POLR1A: variants seen among roughly 807,000 people sequenced by gnomAD.
POLR1A encodes RNA polymerase I subunit A.
POLR1A carries 84 observed loss-of-function variants against 205.3 expected under a neutral mutation model. The observed-to-expected ratio is 0.41, with a 90% CI of 0.34 to 0.49. The LOEUF (loss-of-function observed/expected upper bound fraction) is 0.49, where lower values mean the gene tolerates loss of function less well. Among genes scored for constraint, POLR1A ranks in the 20% least tolerant of loss-of-function variants. The pLI is 0.22. For synonymous variants in POLR1A, 799 were observed against 863.7 expected (o/e 0.93, Z 1.31); for missense variants, 1,645 against 2,204.5 (o/e 0.75, Z 5.08).
chr2:86,037,106 G>C (rs1672512744), intron 27 of POLR1A: 3 of 152,362 alleles, frequency 2.0e-5, no homozygotes, highest in Admixed American at 6.5e-5. Flanking sequence ...TGCCAGGCCA[G>C]CACAAACGCC....
At chr2:86,075,909 C>T (rs1673274459) in intron 11 of POLR1A, among the ~76,000 whole-genome samples, 1 of 152,194 alleles carries the variant, frequency 6.6e-6, no homozygotes, top group Admixed American at 6.5e-5. Flanking sequence ...TGGCAAATGC[C>T]TGTCCTCAAA....
rs560905919 is a variant in POLR1A, at chr2:86,070,710, G to A, written c.1612-438C>T. On this transcript the variant is annotated intron_variant, in intron 12 of 33. Transcript: ENST00000263857. This position sits in a 1 kb window ranked among gnomAD's most constrained non-coding sequence, Gnocchi z 4.4. ...GACTTTCGAATCCCCCCCCCGCCGT[G>A]ATCACATGTGAGTACATTATTCTAA... is the stretch of plus-strand genomic sequence containing the variant. Among the ~76,000 whole-genome samples the A allele has an allele frequency of 1.3e-3, 173 of 137,588 alleles. 1 individual carries two copies. The highest frequency in any genetic ancestry group is 4.5e-3 in the African/African-American group (163 of 36,556). 90.3% of individuals were successfully genotyped at this position (137,588 alleles called of 152,430 possible).
At chr2:86,039,086 G>T (rs748492925) in intron 26 of POLR1A, among the ~76,000 whole-genome samples, 1 of 152,168 alleles carries the variant, frequency 6.6e-6, no homozygotes, top group African/African-American at 2.4e-5. Context: ...TCAGCAGAGC[G>T]GGTAGGCAAA....
intron 2 of POLR1A, among the ~76,000 whole-genome samples, 174 bp from the exon 3 acceptor site, chr2:86,098,934 C>T (rs924688960): frequency 6.6e-6 from 1 of 152,056 alleles, no homozygotes; most frequent in Non-Finnish European, 1.5e-5. Flanking sequence ...TAAATATTAC[C>T]CTCTATTTTC....
In POLR1A at chr2:86,028,758, C is replaced by T; in HGVS notation, c.4780-47G>A. The stretch of plus-strand genomic sequence containing the variant: ...TTTATTTAGAGGGCCTGGCCTTCTG[C>T]TCCCTTCTGCCTGCGTATCTCCCCC... On this transcript the variant is annotated intron_variant, in intron 31 of 33. Coordinates refer to ENST00000263857, the MANE Select transcript of POLR1A (RefSeq NM_015425.6). This position sits in a 1 kb window ranked among gnomAD's most constrained non-coding sequence, Gnocchi z 4.5. 1 of 1,382,744 alleles carries T rather than the reference C, an allele frequency of 7.2e-7. No homozygotes were observed. The highest frequency in any genetic ancestry group is 1.0e-6 in the Non-Finnish European group (1 of 971,764). 85.7% of individuals were successfully genotyped at this position (1,382,744 alleles called of 1,614,324 possible).
chr2:86,064,714 C>A (rs1330871928), intron 14 of POLR1A, among the ~76,000 whole-genome samples: 2 of 151,888 alleles, frequency 1.3e-5, no homozygotes, highest in African/African-American at 4.8e-5. Context: ...ATGAGGACAC[C>A]AAATTTAAGT....
At position 86,103,931 on chromosome 2, in the gene POLR1A, TAAAG is replaced by T. The variant is rs1469156552; in HGVS notation, c.77+1765_77+1768del. ...GACACTGCATGCAGAGGGAATAGCT[TAAAG>T]AAAGGCCCAGATGTTGAAATATGAT... is the stretch of plus-strand genomic sequence containing the variant. On this transcript the variant is annotated intron_variant, in intron 1 of 33. Coordinates refer to ENST00000263857, the MANE Select transcript of POLR1A (RefSeq NM_015425.6). Among the ~76,000 whole-genome samples, 5 of 152,222 alleles carry T rather than the reference TAAAG, an allele frequency of 3.3e-5. No homozygotes were observed. The East Asian group carries it at 7.7e-4, about 24-fold the overall frequency.
chr2:86,040,611 C>A (rs1018718901), intron 24 of POLR1A, 52 bp from the exon 25 acceptor site: 1 of 1,339,300 alleles, frequency 7.5e-7, no homozygotes, highest in Non-Finnish European at 1.0e-6. Context: ...GGGTCAGGAG[C>A]AGACACCACA....
Position 86,045,655 on chromosome 2 carries a change from AGCCACCAGCCCTGGGGG to A in POLR1A, c.2831_2847del (p.Thr944IlefsTer14). On this transcript the variant is annotated frameshift_variant, in exon 20 of 34. Coordinates refer to ENST00000263857, the MANE Select transcript of POLR1A (RefSeq NM_015425.6). LOFTEE classifies it high-confidence loss of function. ...CCGGTGAGGAACCTGCCAGTGACAA[AGCCACCAGCCCTGGGGG>A]TGAACTCATAAGGCTCAAAGCAGGG... is the stretch of plus-strand genomic sequence containing the variant. 1 of 1,614,038 alleles carries A rather than the reference AGCCACCAGCCCTGGGGG, an allele frequency of 6.2e-7. No homozygotes were observed. Among genetic ancestry groups the A allele is most frequent in the Non-Finnish European group, 8.5e-7 (1 of 1,179,998 alleles).
intron 21 of POLR1A, among the ~76,000 whole-genome samples, chr2:86,044,780 G>C (rs1418462922): frequency 6.6e-6 from 1 of 152,172 alleles, no homozygotes; most frequent in Non-Finnish European, 1.5e-5. Flanking sequence ...CTCCACTGGC[G>C]GCCTTTCTCC....
intron 1 of POLR1A, among the ~76,000 whole-genome samples, chr2:86,100,503 CACTG>C (rs1039383344): frequency 6.6e-6 from 1 of 151,528 alleles, no homozygotes; most frequent in African/African-American, 2.4e-5. Flanking sequence ...ATCTACTATA[CACTG>C]ACTGCTTCAC....
intron 4 of POLR1A, among the ~76,000 whole-genome samples, 168 bp downstream of exon 4, chr2:86,089,654 C>A (rs767746907): frequency 5.3e-5 from 8 of 152,190 alleles, no homozygotes; most frequent in Non-Finnish European, 1.2e-4. Flanking sequence ...AGTGGACACT[C>A]AGGGACAGTT....
intron 4 of POLR1A, among the ~76,000 whole-genome samples, chr2:86,089,143 A>T (rs1291556442): frequency 6.6e-6 from 1 of 152,246 alleles, no homozygotes; most frequent in Admixed American, 6.5e-5. Flanking sequence ...TCATGAATGC[A>T]GTGGGGGCTT....
chr2:86,049,261 A>C lies in POLR1A; in HGVS notation c.2393-19T>G, dbSNP rs748969043. 5 of 1,598,846 alleles carry C rather than the reference A, an allele frequency of 3.1e-6. No homozygotes were observed. Among genetic ancestry groups the C allele is most frequent in the Non-Finnish European group, 4.3e-6 (5 of 1,166,426 alleles). On this transcript the variant is annotated intron_variant, in intron 16 of 33. Transcript: ENST00000263857. ...TCCACGCCTGTGAAGTGAAACAGAC[A>C]AGCTTGTAGGCGACCTCAGGCCTGA...
chr2:86,043,902 G>T (rs1322341208), intron 22 of POLR1A, among the ~76,000 whole-genome samples: 2 of 152,220 alleles, frequency 1.3e-5, no homozygotes, highest in African/African-American at 4.8e-5. Flanking sequence ...TGGCCCCAAA[G>T]AGTAGGTATT....
intron 1 of POLR1A, among the ~76,000 whole-genome samples, chr2:86,103,436 ACT>A (rs1339673515): frequency 2.0e-5 from 3 of 152,138 alleles, no homozygotes; most frequent in Admixed American, 2.0e-4. Context: ...CTTGGTTTTT[ACT>A]CTGAGTGAGA....
At position 86,022,402 on chromosome 2, in the gene POLR1A, C is replaced by T. The variant is rs1690162257; in HGVS notation, c.*5021G>A. On this transcript the variant is annotated 3_prime_UTR_variant, in exon 34 of 34. Coordinates refer to ENST00000263857, the MANE Select transcript of POLR1A (RefSeq NM_015425.6). ...AGATCTTAAGATCCTACTGCAGAAA[C>T]CTAGGGCCAGTGACTCCTTGAGATG... The T allele has an allele frequency of 6.6e-6, 1 of 152,222 alleles. No homozygotes were observed. The highest frequency in any genetic ancestry group is 2.4e-5 in the African/African-American group (1 of 41,450). 9.4% of individuals were successfully genotyped at this position (152,222 alleles called of 1,614,324 possible).
At chr2:86,065,825 T>G in intron 13 of POLR1A, 1 of 206,372 alleles carries the variant, frequency 4.8e-6, no homozygotes, top group Non-Finnish European at 9.6e-6. Context: ...TGTGTTCTTG[T>G]TTTTATACTT....
chr2:86,034,213 C>T (rs1185774997), intron 27 of POLR1A, among the ~76,000 whole-genome samples: 1 of 152,188 alleles, frequency 6.6e-6, no homozygotes, highest in African/African-American at 2.4e-5. Flanking sequence ...TGTGGTCGTC[C>T]TCTAACAAGG....
Sources: allele counts gnomAD v4.1 joint callset (sites outside exome capture counted in the v4.1 genomes callset), GRCh38; gene constraint gnomAD v4.1.1; non-coding constraint Gnocchi (gnomAD v3.1); transcripts MANE v1.5; gene names NCBI Gene and HGNC (gene_info 2026-07-23, HGNC 2026-07-21).